Variants in MALRD1 observed in about 807,000 individuals in gnomAD.
MALRD1 encodes the protein MAM and LDL-receptor class A domain-containing protein 1.
Under a neutral mutation model 242.1 loss-of-function variants are expected in MALRD1, and 247 were observed. The observed-to-expected ratio is 1.02, with a 90% CI of 0.92 to 1.13. MALRD1 has a LOEUF of 1.13. Among genes scored for constraint, MALRD1 ranks in the 50% most tolerant of loss-of-function variants. The pLI, the probability that MALRD1 is intolerant of heterozygous loss-of-function variation, is 0.00. For missense variants in MALRD1, 2,989 were observed against 2,533.1 expected, an observed-to-expected ratio of 1.18 and a Z score of -3.86; for synonymous variants, 995 against 866.6, an observed-to-expected ratio of 1.15 and a Z score of -2.60.
At chr10:19,376,155 CA>C (rs1333686444) in intron 26 of MALRD1, among the ~76,000 whole-genome samples, 1 of 151,902 alleles carries the variant, frequency 6.6e-6, no homozygotes, top group Non-Finnish European at 1.5e-5. Context: ...AAAACAAAAA[CA>C]AAAAAAACTT....
chr10:19,257,793 TGGG>T, intron 19 of MALRD1, 22 bp downstream of exon 19: 1 of 1,423,642 alleles, frequency 7.0e-7, no homozygotes, highest in Non-Finnish European at 9.4e-7. Context: ...CATTTCAATT[TGGG>T]GTTATTTCTA....
rs191808494 is a variant in MALRD1, at chr10:19,215,312, A to T, written c.2991+5632A>T. 2.0e-5 allele frequency among the ~76,000 whole-genome samples: 3 copies of T among 152,328 alleles called. No individual in the cohort carries two copies. In the East Asian group the frequency reaches 5.8e-4, roughly 29 times the overall value. The stretch of plus-strand genomic sequence containing the variant: ...TTGGTTCAACTTTAATTTTTTAGTC[A>T]GAACTGTGTAAGCTGAACCAATTAA... On this transcript the variant is annotated intron_variant, in intron 18 of 39. Transcript: ENST00000454679.
chr10:19,688,421 C>G (rs1270130529), intron 36 of MALRD1, among the ~76,000 whole-genome samples: 4 of 152,060 alleles, frequency 2.6e-5, no homozygotes, highest in Non-Finnish European at 2.9e-5. Flanking sequence ...CACCACCTTG[C>G]ATGGCTAATT....
chr10:19,398,777 C>T (rs1846698566), intron 28 of MALRD1, among the ~76,000 whole-genome samples: 1 of 152,152 alleles, frequency 6.6e-6, no homozygotes, highest in Non-Finnish European at 1.5e-5. Flanking sequence ...CTTGTCTGCA[C>T]AGGAATTTCT....
At chr10:19,047,364 GTGTGTGTGTGT>G (rs1834363890), upstream of MALRD1, among the ~76,000 whole-genome samples, 5 of 89,608 alleles carry the variant, frequency 5.6e-5, no homozygotes, top group South Asian at 2.3e-3. Context: ...AGGTGTGTGT[GTGTGTGTGTGT>G]GTGTGTGTGT....
At chr10:19,588,710 T>G (rs1372719920) in intron 33 of MALRD1, among the ~76,000 whole-genome samples, 1 of 152,198 alleles carries the variant, frequency 6.6e-6, no homozygotes, top group African/African-American at 2.4e-5. Context: ...TGGCGCAACC[T>G]CTGCTCACTG....
chr10:19,399,067 AGGTATTATAAGATCTG>A lies in MALRD1; in HGVS notation c.4845+9459_4845+9474del, dbSNP rs1325614264. On this transcript the variant is annotated intron_variant, in intron 28 of 39. Transcript: ENST00000454679. ...AAGTAGTCATAGACATTGTCATCTT[AGGTATTATAAGATCTG>A]AGAGAAGGAAGAGAATAAAAGCAAT... Among the ~76,000 whole-genome samples the A allele has an allele frequency of 4.6e-5, 7 of 152,282 alleles. No individual in the cohort carries two copies. In the East Asian group the frequency reaches 1.4e-3, roughly 29 times the overall value.
intron 18 of MALRD1, among the ~76,000 whole-genome samples, chr10:19,247,269 T>G (rs1839100113): frequency 6.6e-6 from 1 of 152,076 alleles, no homozygotes; most frequent in Admixed American, 6.6e-5. Context: ...AAGAAATTAA[T>G]GACCCTCAAC....
At chr10:19,430,733 A>G (rs897469429) in intron 28 of MALRD1, among the ~76,000 whole-genome samples, 1 of 152,166 alleles carries the variant, frequency 6.6e-6, no homozygotes, top group Non-Finnish European at 1.5e-5. Flanking sequence ...TTTGACCTTA[A>G]TGTGGATTGT....
intron 29 of MALRD1, among the ~76,000 whole-genome samples, chr10:19,476,995 A>AT (rs1232528940): frequency 6.6e-6 from 1 of 152,034 alleles, no homozygotes; most frequent in Admixed American, 6.6e-5. Context: ...CCAACATCTC[A>AT]TTTTTTAGGA....
chr10:19,494,653 G>A (rs1014173280), intron 30 of MALRD1, among the ~76,000 whole-genome samples: 7 of 151,996 alleles, frequency 4.6e-5, no homozygotes, highest in African/African-American at 1.7e-4. Context: ...ATTAGCACCA[G>A]AATAGAACAA....
chr10:19,463,195 C>T (rs966787385), intron 29 of MALRD1, among the ~76,000 whole-genome samples: 5 of 151,422 alleles, frequency 3.3e-5, no homozygotes, highest in African/African-American at 4.9e-5. Flanking sequence ...CATAGGTTTT[C>T]GGGGAATAGG....
chr10:19,049,746 G>A (rs1427264148), intron 1 of MALRD1, among the ~76,000 whole-genome samples: 1 of 152,140 alleles, frequency 6.6e-6, no homozygotes, highest in Non-Finnish European at 1.5e-5. Flanking sequence ...TTTATTATAA[G>A]AGGTCATGAG....
intron 28 of MALRD1, among the ~76,000 whole-genome samples, chr10:19,396,153 T>C (rs1846569995): frequency 6.7e-6 from 1 of 150,194 alleles, no homozygotes; most frequent in Admixed American, 6.6e-5. Context: ...TTTTTTTTTT[T>C]TTTTGATGGA....
intron 18 of MALRD1, among the ~76,000 whole-genome samples, chr10:19,220,184 C>G (rs1837497880): frequency 6.6e-6 from 1 of 152,088 alleles, no homozygotes; most frequent in African/African-American, 2.4e-5. Flanking sequence ...CTCACTTTCT[C>G]CTGGCTCTCT....
At chr10:19,684,184 T>C (rs765132394) in intron 36 of MALRD1, among the ~76,000 whole-genome samples, 1 of 152,188 alleles carries the variant, frequency 6.6e-6, no homozygotes, top group Non-Finnish European at 1.5e-5. Flanking sequence ...AGAGCCAAAG[T>C]TGAAAATCTC....
At chr10:19,541,053 T>A (rs1460506003) in intron 32 of MALRD1, among the ~76,000 whole-genome samples, 1 of 152,250 alleles carries the variant, frequency 6.6e-6, no homozygotes, top group Non-Finnish European at 1.5e-5. Flanking sequence ...GCCTTTTTAT[T>A]GTATTTCTTT....
intron 24 of MALRD1, among the ~76,000 whole-genome samples, chr10:19,346,894 C>T (rs1276024747): frequency 6.6e-6 from 1 of 152,056 alleles, no homozygotes; most frequent in African/African-American, 2.4e-5. Context: ...ACGTGATCCA[C>T]CTGCCTCAGC....
chr10:19,434,907 T>C (rs1341600345), intron 28 of MALRD1, among the ~76,000 whole-genome samples: 1 of 151,602 alleles, frequency 6.6e-6, no homozygotes, highest in Non-Finnish European at 1.5e-5. Context: ...GTTTAATTGA[T>C]AAAATATGAA....
Sources: gnomAD v4.1 joint callset for allele counts (sites outside exome capture counted in the v4.1 genomes callset) on GRCh38, gnomAD v4.1.1 for gene constraint, MANE v1.5 for transcripts, NCBI Gene and HGNC (gene_info 2026-07-23, HGNC 2026-07-21) for gene names.